Variants in FANCL observed in about 807,000 individuals in gnomAD.
FANCL encodes the protein FA complementation group L.
Under a neutral mutation model 59.4 loss-of-function variants are expected in FANCL, and 69 were observed. That is an observed-to-expected ratio of 1.16 (90% confidence interval 0.96 to 1.42). The LOEUF is 1.42. Ranked by LOEUF, FANCL falls within the 40% of genes most tolerant of loss-of-function variation. The pLI is 0.00. For missense variants in FANCL, 519 were observed against 447.2 expected, an observed-to-expected ratio of 1.16 and a Z score of -1.45; for synonymous variants, 180 against 147.1, an observed-to-expected ratio of 1.22 and a Z score of -1.62.
intron 4 of FANCL, among the ~76,000 whole-genome samples, chr2:58,223,715 T>C (rs1387662854): frequency 6.6e-6 from 1 of 151,946 alleles, no homozygotes; most frequent in Non-Finnish European, 1.5e-5. Context: ...AGCTCTAAAA[T>C]AGAAATAAAA....
At position 58,187,345 on chromosome 2, in the gene FANCL, C is replaced by T. The variant is rs756139184; in HGVS notation, c.540+11249G>A. 7.1e-5 allele frequency among the ~76,000 whole-genome samples: 10 copies of T among 140,820 alleles called. No homozygotes were observed. The East Asian group carries it at 9.0e-4, about 13-fold the overall frequency. 92.4% of individuals were successfully genotyped at this position (140,820 alleles called of 152,430 possible). Reference sequence around the variant, plus strand: ...AAACCAAACACCGCATGTTCTCACTCGTAGGTGAGAACTGAACAATGAGAA... The same window carrying T: ...AAACCAAACACCGCATGTTCTCACTTGTAGGTGAGAACTGAACAATGAGAA... On this transcript the variant is annotated intron_variant, in intron 7 of 13. Transcript: ENST00000233741.
chr2:58,196,231 G>A (rs1283660803), intron 7 of FANCL, among the ~76,000 whole-genome samples: 1 of 151,988 alleles, frequency 6.6e-6, no homozygotes, highest in Non-Finnish European at 1.5e-5. Flanking sequence ...AGGGAGAGAA[G>A]CAAAGAAAGG....
In FANCL at chr2:58,222,108, T is replaced by G. The variant is rs1692534961; in HGVS notation, c.274-66A>C. 3.7e-5 allele frequency: 41 copies of G among 1,109,564 alleles called. No individual in the cohort carries two copies. In the South Asian group the frequency reaches 4.9e-4, roughly 13 times the overall value. The allele number at this position is 1,109,564 out of a possible 1,614,324, so 68.7% of individuals were successfully genotyped here. A position where few individuals can be genotyped will look rare whatever the true frequency, so the allele number is the denominator to read the frequency against. ...AGACAATGAACTGTTAATACCTGAT[T>G]GCAAAACATAATTTCATTATCTTCT... On this transcript the variant is annotated intron_variant, in intron 4 of 13. Transcript: ENST00000233741.
At chr2:58,159,836 G>A (rs1288486988) in intron 13 of FANCL, 36 bp from the exon 14 acceptor site, 1 of 1,609,424 alleles carries the variant, frequency 6.2e-7, no homozygotes, top group Non-Finnish European at 8.5e-7. Flanking sequence ...AAAGTTTGTG[G>A]ACACTCTAAA....
rs141347170 is a variant in FANCL, at chr2:58,172,861, C to T, written c.541-6987G>A. Among the ~76,000 whole-genome samples, 160 of 152,242 alleles carry T rather than the reference C, an allele frequency of 1.1e-3. 3 individuals carry two copies. In the East Asian group the frequency reaches 0.027, roughly 26 times the overall value. On this transcript the variant is annotated intron_variant, in intron 7 of 13. Coordinates refer to ENST00000233741, the MANE Select transcript of FANCL (RefSeq NM_018062.4). The stretch of plus-strand genomic sequence containing the variant: ...TATGAGCTACAGGAGGAAATTCAAA[C>T]CAAAGGCGAAGAAGCTGAAAACTTT...
At chr2:58,171,708 T>C (rs1686638986) in intron 7 of FANCL, among the ~76,000 whole-genome samples, 1 of 152,172 alleles carries the variant, frequency 6.6e-6, no homozygotes, top group East Asian at 1.9e-4. Flanking sequence ...TGCATTTCCA[T>C]CTGAGGTACC....
At chr2:58,228,505 G>A (rs1459247746) in intron 3 of FANCL, among the ~76,000 whole-genome samples, 1 of 152,158 alleles carries the variant, frequency 6.6e-6, no homozygotes, top group Non-Finnish European at 1.5e-5. Context: ...TACTGTTTTT[G>A]TAAACAAAGT....
intron 7 of FANCL, among the ~76,000 whole-genome samples, chr2:58,168,726 G>C (rs188375806): frequency 6.3e-4 from 96 of 152,276 alleles, no homozygotes; most frequent in African/African-American, 2.2e-3. Context: ...CAGCACAGCA[G>C]TCTGAAGTAG....
At chr2:58,193,367 G>A (rs1048439335) in intron 7 of FANCL, among the ~76,000 whole-genome samples, 2 of 151,944 alleles carry the variant, frequency 1.3e-5, no homozygotes, top group African/African-American at 2.4e-5. Context: ...TTAGTTGCTT[G>A]TATTTTTCCT....
intron 7 of FANCL, among the ~76,000 whole-genome samples, chr2:58,181,813 T>C (rs1430971642): frequency 6.6e-6 from 1 of 151,872 alleles, no homozygotes; most frequent in African/African-American, 2.4e-5. Context: ...AAATAAATGA[T>C]ATAAATTACG....
intron 1 of FANCL, among the ~76,000 whole-genome samples, chr2:58,238,263 A>G (rs1409788773): frequency 6.6e-6 from 1 of 152,192 alleles, no homozygotes; most frequent in Non-Finnish European, 1.5e-5. Flanking sequence ...AAAAGATTGG[A>G]CACCCTGTTT....
intron 7 of FANCL, among the ~76,000 whole-genome samples, chr2:58,172,174 CACAG>C (rs1686712599): frequency 6.6e-6 from 1 of 152,208 alleles, no homozygotes. Context: ...GGGGACACGG[CACAG>C]ACAAACAAAA....
rs1690648856 is a variant in FANCL at position 58,206,962 on chromosome 2, T to TA, written c.375-2737dup. The stretch of plus-strand genomic sequence containing the variant: ...GTCAATTGCCCTCTAGTATTTAACT[T>TA]ACCTTCTCCAGTTTGGTAATAGGAT... On this transcript the variant is annotated intron_variant, in intron 5 of 13. Transcript: ENST00000233741. Among the ~76,000 whole-genome samples the TA allele has an allele frequency of 4.6e-5, 7 of 152,324 alleles. No individual in the cohort carries two copies. In the South Asian group the frequency reaches 1.4e-3, roughly 32 times the overall value.
chr2:58,193,587 T>C (rs1689147921), intron 7 of FANCL, among the ~76,000 whole-genome samples: 1 of 152,076 alleles, frequency 6.6e-6, no homozygotes. Context: ...GCCATACCAC[T>C]GTGGCAACAG....
intron 7 of FANCL, among the ~76,000 whole-genome samples, chr2:58,185,556 A>G (rs1158302193): frequency 2.0e-5 from 3 of 152,344 alleles, no homozygotes; most frequent in African/African-American, 2.4e-5. Flanking sequence ...GAATAGTCTT[A>G]TAACACTGAA....
chr2:58,212,005 G>A (rs964286855), intron 5 of FANCL, among the ~76,000 whole-genome samples: 3 of 152,072 alleles, frequency 2.0e-5, no homozygotes, highest in East Asian at 1.9e-4. Flanking sequence ...TTCCAAAGTC[G>A]CTTCCACATT....
chr2:58,232,632 G>C (rs537330030), intron 1 of FANCL, among the ~76,000 whole-genome samples: 16 of 152,068 alleles, frequency 1.1e-4, no homozygotes, highest in African/African-American at 3.9e-4. Flanking sequence ...GCATAAATCA[G>C]AGTATATTTA....
chr2:58,216,843 C>A (rs1193349805), intron 5 of FANCL, among the ~76,000 whole-genome samples: 1 of 151,810 alleles, frequency 6.6e-6, no homozygotes, highest in African/African-American at 2.4e-5. Context: ...GGTTGGAATC[C>A]AAGCACGGGG....
At chr2:58,239,613 G>C (rs183466720) in intron 1 of FANCL, among the ~76,000 whole-genome samples, 12 of 152,236 alleles carry the variant, frequency 7.9e-5, no homozygotes, top group African/African-American at 2.9e-4. Flanking sequence ...TTAGATAATA[G>C]TATATCATTA....
Sources: allele counts gnomAD v4.1 joint callset (sites outside exome capture counted in the v4.1 genomes callset), GRCh38; gene constraint gnomAD v4.1.1; transcripts MANE v1.5; gene names NCBI Gene and HGNC (gene_info 2026-07-23, HGNC 2026-07-21).